Variants in XXYLT1 observed in about 807,000 individuals in gnomAD.
XXYLT1 encodes UDP-xylose:alpha-xyloside alpha-1,3-xylosyltransferase.
Under a neutral mutation model 28.9 loss-of-function variants are expected in XXYLT1, and 20 were observed. That is an observed-to-expected ratio of 0.69 (90% CI 0.49 to 1.00). The LOEUF (loss-of-function observed/expected upper bound fraction) is 1.00, where lower values mean the gene tolerates loss of function less well. XXYLT1 is among the 50% of genes least tolerant of loss of function. XXYLT1 has a pLI of 0.00. For synonymous variants in XXYLT1, 257 were observed against 253.8 expected, an observed-to-expected ratio of 1.01 and a Z score of -0.12; for missense variants, 542 against 560.1, an observed-to-expected ratio of 0.97 and a Z score of 0.33.
chr3:195,248,325 T>C (rs746860769), intron 1 of XXYLT1, among the ~76,000 whole-genome samples: 22 of 152,204 alleles, frequency 1.4e-4, no homozygotes, highest in African/African-American at 1.9e-4. Flanking sequence ...AAATCTCATC[T>C]TGAATTCCCA....
At chr3:195,128,358 C>T (rs990146245) in intron 3 of XXYLT1, among the ~76,000 whole-genome samples, 1 of 152,124 alleles carries the variant, frequency 6.6e-6, no homozygotes, top group Non-Finnish European at 1.5e-5. Context: ...CCAGCTGCCC[C>T]CCTTAAATCT....
chr3:195,173,820 T>TC lies in XXYLT1; in HGVS notation c.653-17240dup, dbSNP rs923061139. Among the ~76,000 whole-genome samples the TC allele has an allele frequency of 6.6e-6, 1 of 152,198 alleles. No individual in the cohort carries two copies. The highest frequency in any genetic ancestry group is 2.4e-5 in the African/African-American group (1 of 41,464). ...CACCCAGCTCCCACCAGGGAGTCCC[T>TC]CCTATGGGCCATGAGTGGCAATGAC... On this transcript the variant is annotated intron_variant, in intron 2 of 3. Transcript: ENST00000310380. The surrounding 1 kb of genome is among the most constrained non-coding windows in gnomAD (Gnocchi z 4.3).
intron 3 of XXYLT1, among the ~76,000 whole-genome samples, chr3:195,109,290 T>C (rs1449436313): frequency 3.3e-5 from 5 of 152,088 alleles, no homozygotes; most frequent in African/African-American, 9.7e-5. Flanking sequence ...TGAGGCACAC[T>C]CTCGAGAAGG....
rs1159637862 is a variant in XXYLT1 at position 195,270,866 on chromosome 3, C to A, written c.193G>T (p.Ala65Ser). The A allele has an allele frequency of 1.5e-6, 2 of 1,377,416 alleles. No individual in the cohort carries two copies. The highest frequency in any genetic ancestry group is 2.6e-4 in the Middle Eastern group (1 of 3,852). The allele number at this position is 1,377,416 out of a possible 1,614,324, so 85.3% of individuals were successfully genotyped here. Residue 65 changes from alanine to serine, a missense_variant, in exon 1 of 4, where the codon GCG becomes TCG. Coordinates refer to ENST00000310380, the MANE Select transcript of XXYLT1 (RefSeq NM_152531.5). ...AGCTCCAGCGCGGGCGGCGAGGGCGCGGCGGGAGCCCCGGCGCGGGCCTCC... is the reference window on the plus strand; with the variant it reads ...AGCTCCAGCGCGGGCGGCGAGGGCGAGGCGGGAGCCCCGGCGCGGGCCTCC... Reference protein sequence around the residue: ...LKEARAGAPAAPSPPALELAR... With the variant: ...LKEARAGAPASPSPPALELAR...
chr3:195,155,529 C>G (rs1434689126), intron 3 of XXYLT1, among the ~76,000 whole-genome samples: 1 of 138,246 alleles, frequency 7.2e-6, no homozygotes, highest in Non-Finnish European at 1.5e-5. Flanking sequence ...TCAGCTGTTC[C>G]TTTCCTTTTT....
Position 195,189,204 on chromosome 3 carries a change from G to T in XXYLT1, c.653-32623C>A, listed in dbSNP as rs368311226. On this transcript the variant is annotated intron_variant, in intron 2 of 3. Coordinates refer to ENST00000310380, the MANE Select transcript of XXYLT1 (RefSeq NM_152531.5). ...ACCAGGGCAACCTCTAGGAATCCAG[G>T]GTTTAATTTGATTTTAAAATAAAAA... Among the ~76,000 whole-genome samples the T allele has an allele frequency of 3.3e-5, 5 of 152,010 alleles. No homozygotes were observed. The South Asian group carries it at 1.0e-3, about 32-fold the overall frequency.
rs540646334 is a variant in XXYLT1, at chr3:195,141,624, C to T, written c.785+14825G>A. Among the ~76,000 whole-genome samples the T allele has an allele frequency of 2.6e-5, 4 of 152,324 alleles. No homozygotes were observed. The East Asian group carries it at 7.7e-4, about 29-fold the overall frequency. ...GAGGCCACACTCTTAACCGCCTCTT[C>T]AAAGACCGAGAGCTCAGTGGGGTCA... On this transcript the variant is annotated intron_variant, in intron 3 of 3. Coordinates refer to ENST00000310380, the MANE Select transcript of XXYLT1 (RefSeq NM_152531.5).
At position 195,150,870 on chromosome 3, in the gene XXYLT1, TCTCTCCCTCTCC is replaced by T. The variant is rs149849737; in HGVS notation, c.785+5567_785+5578del. Among the ~76,000 whole-genome samples, 2 of 86,988 alleles carry T rather than the reference TCTCTCCCTCTCC, an allele frequency of 2.3e-5. No homozygotes were observed. Among genetic ancestry groups the T allele is most frequent in the South Asian group, 8.8e-4 (2 of 2,280 alleles). 57.1% of individuals were successfully genotyped at this position (86,988 alleles called of 152,430 possible). A position where few individuals can be genotyped will look rare whatever the true frequency, so the allele number is the denominator to read the frequency against. On this transcript the variant is annotated intron_variant, in intron 3 of 3. Coordinates refer to ENST00000310380, the MANE Select transcript of XXYLT1 (RefSeq NM_152531.5). This position sits in a 1 kb window ranked among gnomAD's most constrained non-coding sequence, Gnocchi z 4.7. ...CACACACTCTCACACACACACACACTCTCTCCCTCTCCCTCTCCCTCTCTCTCTCTCCATCAC... is the reference window on the plus strand; with the variant it reads ...CACACACTCTCACACACACACACACTCTCTCCCTCTCTCTCTCTCCATCAC...
chr3:195,178,523 T>C lies in XXYLT1; in HGVS notation c.653-21942A>G, dbSNP rs939106742. Among the ~76,000 whole-genome samples the C allele has an allele frequency of 4.3e-4, 65 of 152,104 alleles. 2 individuals are homozygous for C. Among genetic ancestry groups the C allele is most frequent in the Admixed American group, 4.3e-3 (65 of 15,280 alleles). On this transcript the variant is annotated intron_variant, in intron 2 of 3. Transcript: ENST00000310380. ...ATTTGGTGCCACTGCAAACTCAGTG[T>C]CTCCAGCAGGACGCGGCCATCAAAT... is the stretch of plus-strand genomic sequence containing the variant.
intron 3 of XXYLT1, among the ~76,000 whole-genome samples, chr3:195,149,512 C>T (rs1216815339): frequency 3.9e-5 from 6 of 152,184 alleles, no homozygotes; most frequent in African/African-American, 1.4e-4. Context: ...AGGGACCAAA[C>T]ACCCCACGCA....
rs1719002492 is a variant in XXYLT1 at position 195,133,431 on chromosome 3, T to C, written c.785+23018A>G. Among the ~76,000 whole-genome samples, 1 of 152,130 alleles carries C rather than the reference T, an allele frequency of 6.6e-6. No homozygotes were observed. The highest frequency in any genetic ancestry group is 6.5e-5 in the Admixed American group (1 of 15,286). ...AATTCAATAGGTGTCCAAGAGTTTC[T>C]GGAAGTTCTACAGGCAAATGTGATC... On this transcript the variant is annotated intron_variant, in intron 3 of 3. Coordinates refer to ENST00000310380, the MANE Select transcript of XXYLT1 (RefSeq NM_152531.5). The surrounding 1 kb of genome is among the most constrained non-coding windows in gnomAD (Gnocchi z 4.4).
chr3:195,112,504 CCA>C (rs751800084), intron 3 of XXYLT1, among the ~76,000 whole-genome samples: 7 of 32,378 alleles, frequency 2.2e-4, no homozygotes, highest in South Asian at 1.5e-3. Flanking sequence ...ATGCACACAC[CCA>C]CACACACCCA....
intron 3 of XXYLT1, among the ~76,000 whole-genome samples, chr3:195,135,324 C>T (rs1423427666): frequency 2.6e-5 from 4 of 152,174 alleles, no homozygotes; most frequent in African/African-American, 9.7e-5. Context: ...TCTCATTTTA[C>T]ACAGGAGGAA....
intron 1 of XXYLT1, among the ~76,000 whole-genome samples, chr3:195,260,419 C>T (rs1230242941): frequency 2.0e-5 from 3 of 152,206 alleles, no homozygotes; most frequent in African/African-American, 7.2e-5. Context: ...GCACCGGAGC[C>T]CCCATCCGGC....
Position 195,270,606 on chromosome 3 carries a change from G to C in XXYLT1, c.453C>G (p.Ala151=), listed in dbSNP as rs746555729. The change falls in exon 1 of 4, where the codon GCC becomes GCG. Residue 151 remains alanine (A), a synonymous_variant. Transcript: ENST00000310380. The part of the protein sequence containing the change: ...FVSEEASREV[A]KGLLRELLPP... ...GCAGGAGCTCCCGCAGCAGGCCCTT[G>C]GCCACCTCGCGGCTGGCCTCCTCGC... 6.8e-7 allele frequency: 1 copy of C among 1,468,568 alleles called. No individual in the cohort carries two copies. Among genetic ancestry groups the C allele is most frequent in the South Asian group, 1.3e-5 (1 of 75,786 alleles). 91.0% of individuals were successfully genotyped at this position (1,468,568 alleles called of 1,614,324 possible).
chr3:195,247,076 T>C (rs564388911), intron 1 of XXYLT1, among the ~76,000 whole-genome samples: 1 of 152,338 alleles, frequency 6.6e-6, no homozygotes, highest in Non-Finnish European at 1.5e-5. Context: ...CTATAAATCA[T>C]GTTTTGCTTT....
chr3:195,185,765 G>A (rs1279476223), intron 2 of XXYLT1, among the ~76,000 whole-genome samples: 2 of 151,142 alleles, frequency 1.3e-5, no homozygotes, highest in African/African-American at 4.9e-5. Flanking sequence ...CTGAGTGCTT[G>A]CAAGTGAGCC....
At position 195,127,533 on chromosome 3, in the gene XXYLT1, T is replaced by C. The variant is rs151086253; in HGVS notation, c.785+28916A>G. 4.8e-3 allele frequency among the ~76,000 whole-genome samples: 734 copies of C among 152,282 alleles called. 3 individuals carry two copies. The highest frequency in any genetic ancestry group is 0.017 in the African/African-American group (713 of 41,546). On this transcript the variant is annotated intron_variant, in intron 3 of 3. Transcript: ENST00000310380. ...GCTCATGCCTGTAATCCCAGCATTTTAGGAGGCCGAGACAGGAGGATTACT... is the reference window on the plus strand; with the variant it reads ...GCTCATGCCTGTAATCCCAGCATTTCAGGAGGCCGAGACAGGAGGATTACT...
At chr3:195,222,103 CTG>C (rs1287503323) in intron 2 of XXYLT1, among the ~76,000 whole-genome samples, 1 of 152,232 alleles carries the variant, frequency 6.6e-6, no homozygotes, top group African/African-American at 2.4e-5. Flanking sequence ...CAGGTCCCCT[CTG>C]TGGGGCTGCG....
Sources: gnomAD v4.1 joint callset for allele counts (sites outside exome capture counted in the v4.1 genomes callset) on GRCh38, gnomAD v4.1.1 for gene constraint, Gnocchi (gnomAD v3.1) non-coding constraint, MANE v1.5 for transcripts, NCBI Gene and HGNC (gene_info 2026-07-23, HGNC 2026-07-21) for gene names.